Variants in PEX13 observed in about 807,000 individuals in gnomAD.
PEX13 encodes peroxisome biogenesis factor 13.
Under a neutral mutation model 34.5 loss-of-function variants are expected in PEX13, and 28 were observed. The ratio of observed to expected loss-of-function variants is 0.81; its 90% confidence interval spans 0.60 to 1.11. The LOEUF is 1.11. Ranked by LOEUF, PEX13 falls within the 50% of genes most tolerant of loss-of-function variation. The pLI, the probability that PEX13 is intolerant of heterozygous loss-of-function variation, is 0.00. For missense variants in PEX13, 550 were observed against 491.0 expected, an observed-to-expected ratio of 1.12 and a Z score of -1.13; for synonymous variants, 177 against 175.1, an observed-to-expected ratio of 1.01 and a Z score of -0.09.
intron 2 of PEX13, among the ~76,000 whole-genome samples, chr2:61,042,277 C>T (rs1680637627): frequency 6.6e-6 from 1 of 152,154 alleles, no homozygotes; most frequent in Non-Finnish European, 1.5e-5. Context: ...TGCACAGAGA[C>T]TATATGTGAA....
intron 2 of PEX13, among the ~76,000 whole-genome samples, chr2:61,040,101 G>T (rs1209148633): frequency 6.6e-6 from 1 of 152,140 alleles, no homozygotes; most frequent in Non-Finnish European, 1.5e-5. Context: ...ATGCTGGAGA[G>T]GATGTGGAGA....
At chr2:61,037,433 G>A (rs954323081) in intron 2 of PEX13, among the ~76,000 whole-genome samples, 3 of 152,170 alleles carry the variant, frequency 2.0e-5, no homozygotes, top group African/African-American at 7.2e-5. Flanking sequence ...TCAGACCACA[G>A]TGCAATCAAA....
At chr2:61,032,233 T>A in intron 2 of PEX13, 120 bp downstream of exon 2, 1 of 779,518 alleles carries the variant, frequency 1.3e-6, no homozygotes, top group Non-Finnish European at 2.1e-6. Flanking sequence ...TATTTTCAGT[T>A]AAGAGCTTCA....
chr2:61,045,820 G>A lies in PEX13; in HGVS notation c.882G>A (p.Arg294=). ...TATCTGAAGAAGAAATTTCTTTCCG[G>A]GCTGGTGATATGCTGAACTTAGCTC... is the stretch of plus-strand genomic sequence containing the variant. ...AAVSEEEISF[R]AGDMLNLALK... is the part of the protein sequence containing the mutation. Residue 294 remains arginine (R), a synonymous_variant, in exon 3 of 4, where the codon CGG becomes CGA. Transcript: ENST00000295030. 1 of 1,613,234 alleles carries A rather than the reference G, an allele frequency of 6.2e-7. No individual in the cohort carries two copies. The highest frequency in any genetic ancestry group is 8.5e-7 in the Non-Finnish European group (1 of 1,179,306).
intron 3 of PEX13, among the ~76,000 whole-genome samples, chr2:61,046,390 G>A (rs1243216652): frequency 6.6e-6 from 1 of 151,982 alleles, no homozygotes; most frequent in African/African-American, 2.4e-5. Context: ...AATGACTCTA[G>A]GCAAAATGAC....
At position 61,028,260 on chromosome 2, in the gene PEX13, C is replaced by G. The variant is rs191260450; in HGVS notation, c.93-3159C>G. Among the ~76,000 whole-genome samples, 1,327 of 152,090 alleles carry G rather than the reference C, an allele frequency of 8.7e-3. 21 individuals carry two copies. The highest frequency in any genetic ancestry group is 0.037 in the Middle Eastern group (11 of 294). ...AACATCACTTATGAATTATTCTTGC[C>G]AAAAAATATTGAACCTGATTGCAAT... On this transcript the variant is annotated intron_variant, in intron 1 of 3. Coordinates refer to ENST00000295030, the MANE Select transcript of PEX13 (RefSeq NM_002618.4).
In PEX13 at chr2:61,017,784, C is replaced by A. The variant is rs762898168; in HGVS notation, c.25C>A (p.Pro9Thr). 1 of 1,550,182 alleles carries A rather than the reference C, an allele frequency of 6.5e-7. No homozygotes were observed. Among genetic ancestry groups the A allele is most frequent in the Admixed American group, 2.0e-5 (1 of 50,926 alleles). Residue 9 changes from proline to threonine, a missense_variant, in exon 1 of 4, where the codon CCC becomes ACC. Pro to Thr is a conservative substitution (Grantham distance 38). Transcript: ENST00000295030. ...GATGGCGTCCCAGCCGCCACCTCCC[C>A]CCAAACCCTGGGAGACCCGCCGAAT... MASQPPPPPKPWETRRIPG... is the reference protein window; with the variant it reads MASQPPPPTKPWETRRIPG...
At chr2:61,046,768 T>C (rs1177799354) in intron 3 of PEX13, among the ~76,000 whole-genome samples, 2 of 152,234 alleles carry the variant, frequency 1.3e-5, no homozygotes, top group Non-Finnish European at 2.9e-5. Context: ...CAACTCTGGC[T>C]GTTTTTTCAT....
At chr2:61,028,622 G>A (rs1233142569) in intron 1 of PEX13, among the ~76,000 whole-genome samples, 3 of 151,118 alleles carry the variant, frequency 2.0e-5, no homozygotes, top group Admixed American at 6.6e-5. Context: ...CCTAACCTGA[G>A]GGGACCCGCC....
At chr2:61,037,532 G>A (rs1305331894) in intron 2 of PEX13, among the ~76,000 whole-genome samples, 1 of 152,138 alleles carries the variant, frequency 6.6e-6, no homozygotes, top group Non-Finnish European at 1.5e-5. Context: ...GGTAAATAAC[G>A]AAATGAAGGC....
At chr2:61,035,947 C>T (rs894767748) in intron 2 of PEX13, among the ~76,000 whole-genome samples, 16 of 149,550 alleles carry the variant, frequency 1.1e-4, no homozygotes, top group African/African-American at 4.0e-4. Context: ...CACACCATTG[C>T]ACTCCAGCCT....
Position 61,017,725 on chromosome 2 carries a change from G to C in PEX13, c.-35G>C, listed in dbSNP as rs557495907. ...TGGTCTACGCGGGCCTGGACAGTCAGGGGTAGGAGCGGGAGCCGAGAGGAG... is the reference window on the plus strand; with the variant it reads ...TGGTCTACGCGGGCCTGGACAGTCACGGGTAGGAGCGGGAGCCGAGAGGAG... On this transcript the variant is annotated 5_prime_UTR_variant, in exon 1 of 4. Coordinates refer to ENST00000295030, the MANE Select transcript of PEX13 (RefSeq NM_002618.4). 7.8e-6 allele frequency: 12 copies of C among 1,529,312 alleles called. No individual in the cohort carries two copies. Among genetic ancestry groups the C allele is most frequent in the South Asian group, 6.0e-5 (5 of 83,414 alleles). The allele number at this position is 1,529,312 out of a possible 1,614,324, so 94.7% of individuals were successfully genotyped here. A position where few individuals can be genotyped will look rare whatever the true frequency, so the allele number is the denominator to read the frequency against.
intron 2 of PEX13, among the ~76,000 whole-genome samples, chr2:61,040,787 AAGTAT>A (rs1254490752): frequency 1.4e-5 from 2 of 147,982 alleles, no homozygotes; most frequent in Non-Finnish European, 3.0e-5. Context: ...CTATATATTA[AAGTAT>A]AGTATATATA....
chr2:61,027,356 AACAC>A (rs369806426), intron 1 of PEX13, among the ~76,000 whole-genome samples: 13 of 150,308 alleles, frequency 8.6e-5, no homozygotes, highest in African/African-American at 2.7e-4. Context: ...AAAAAAACAA[AACAC>A]ACACACACAC....
chr2:61,028,039 G>T (rs904886922), intron 1 of PEX13, among the ~76,000 whole-genome samples: 1 of 152,134 alleles, frequency 6.6e-6, no homozygotes, highest in Non-Finnish European at 1.5e-5. Flanking sequence ...ATGATGAATC[G>T]ATGCTAAACT....
Position 61,046,301 on chromosome 2 carries a change from C to T in PEX13, c.913+450C>T, listed in dbSNP as rs562117292. Among the ~76,000 whole-genome samples the T allele has an allele frequency of 4.6e-5, 7 of 152,230 alleles. No homozygotes were observed. The South Asian group carries it at 1.2e-3, about 27-fold the overall frequency. On this transcript the variant is annotated intron_variant, in intron 3 of 3. Transcript: ENST00000295030. ...TCATAAGTATTTTAGGAAATAGTGT[C>T]ATGAAGTATTATAGAACCCCAGCAA...
intron 2 of PEX13, among the ~76,000 whole-genome samples, chr2:61,036,932 A>G (rs748659348): frequency 1.3e-5 from 2 of 152,188 alleles, no homozygotes; most frequent in African/African-American, 4.8e-5. Flanking sequence ...GGGATGGAGG[A>G]AGATCTACCA....
rs1229806264 is a variant in PEX13 at position 61,049,727 on chromosome 2, A to T, written c.*957A>T. On this transcript the variant is annotated 3_prime_UTR_variant, in exon 4 of 4. Coordinates refer to ENST00000295030, the MANE Select transcript of PEX13 (RefSeq NM_002618.4). Reference sequence around the variant, plus strand: ...AGGCGGAGGTTACGCTGAGCCGGAGATCTCGCCATTGCACTTCAGCCTGGG... The same window carrying T: ...AGGCGGAGGTTACGCTGAGCCGGAGTTCTCGCCATTGCACTTCAGCCTGGG... 1 of 152,188 alleles carries T rather than the reference A, an allele frequency of 6.6e-6. No individual in the cohort carries two copies. Among genetic ancestry groups the T allele is most frequent in the African/African-American group, 2.4e-5 (1 of 41,440 alleles). 9.4% of individuals were successfully genotyped at this position (152,188 alleles called of 1,614,324 possible). A position where few individuals can be genotyped will look rare whatever the true frequency, so the allele number is the denominator to read the frequency against.
chr2:61,022,541 A>G (rs12713431), intron 1 of PEX13, among the ~76,000 whole-genome samples: 28,986 of 152,228 alleles, frequency 0.19, 3,047 homozygotes, highest in Middle Eastern at 0.32. Flanking sequence ...ATGAACTTTG[A>G]TTAGTCTTGA....
Sources: allele counts gnomAD v4.1 joint callset (sites outside exome capture counted in the v4.1 genomes callset), GRCh38; gene constraint gnomAD v4.1.1; transcripts MANE v1.5; gene names NCBI Gene and HGNC (gene_info 2026-07-23, HGNC 2026-07-21).